KCNMA1: variants seen among roughly 807,000 people sequenced by gnomAD.
KCNMA1 encodes the protein potassium calcium-activated channel subfamily M alpha 1.
A neutral mutation model predicts 140.0 loss-of-function variants in KCNMA1; 29 were observed. The observed-to-expected ratio is 0.21, with a 90% CI of 0.15 to 0.28. The LOEUF (loss-of-function observed/expected upper bound fraction) is 0.28. KCNMA1 is among the 10% of genes least tolerant of loss of function. The pLI is 1.00. For synonymous variants in KCNMA1, 612 were observed against 611.9 expected, an observed-to-expected ratio of 1.00 and a Z score of 0.00; for missense variants, 880 against 1,602.2, an observed-to-expected ratio of 0.55 and a Z score of 7.70.
chr10:77,031,931 T>TA (rs1191393243), intron 15 of KCNMA1, among the ~76,000 whole-genome samples: 8 of 152,162 alleles, frequency 5.3e-5, no homozygotes, highest in Non-Finnish European at 8.8e-5. Context: ...GGAGAAAAGA[T>TA]AAAGTGGCAA....
chr10:77,248,918 C>G (rs955658325), intron 3 of KCNMA1, among the ~76,000 whole-genome samples: 8 of 152,152 alleles, frequency 5.3e-5, no homozygotes, highest in Non-Finnish European at 8.8e-5. Flanking sequence ...ACTGATTGGG[C>G]CTGCCACCGG....
intron 6 of KCNMA1, among the ~76,000 whole-genome samples, chr10:77,118,953 G>T (rs1344246120): frequency 6.6e-6 from 1 of 152,174 alleles, no homozygotes; most frequent in East Asian, 1.9e-4. Context: ...GTGGGTTTGT[G>T]GCAAAAAGCA....
At chr10:77,045,193 T>C (rs140669454) in intron 14 of KCNMA1, among the ~76,000 whole-genome samples, 1 of 152,176 alleles carries the variant, frequency 6.6e-6, no homozygotes, top group African/African-American at 2.4e-5. Context: ...TTAACTGTAA[T>C]GTGAAGACAC....
chr10:77,180,566 T>C (rs977396172), intron 5 of KCNMA1, among the ~76,000 whole-genome samples: 1 of 152,218 alleles, frequency 6.6e-6, no homozygotes, highest in African/African-American at 2.4e-5. Context: ...TCAATTTCAA[T>C]AGTACTTATG....
At chr10:77,545,810 G>C (rs538610300) in intron 1 of KCNMA1, among the ~76,000 whole-genome samples, 1 of 152,314 alleles carries the variant, frequency 6.6e-6, no homozygotes, top group African/African-American at 2.4e-5. Context: ...CTCACGCCTG[G>C]GAAAGCATGC....
At chr10:77,544,705 A>G (rs181631730) in intron 1 of KCNMA1, among the ~76,000 whole-genome samples, 33 of 152,316 alleles carry the variant, frequency 2.2e-4, no homozygotes, top group African/African-American at 7.7e-4. Context: ...AGCCCAGAGA[A>G]GTAAATTTTC....
chr10:77,002,127 C>T (rs35867052), intron 18 of KCNMA1, among the ~76,000 whole-genome samples: 3,586 of 152,264 alleles, frequency 0.024, 58 homozygotes, highest in South Asian at 0.048. Context: ...GAAACGATTA[C>T]GTGTTAATAC....
At chr10:76,923,866 A>C (rs2056822950) in intron 23 of KCNMA1, among the ~76,000 whole-genome samples, 1 of 151,986 alleles carries the variant, frequency 6.6e-6, no homozygotes, top group African/African-American at 2.4e-5. Context: ...TTAGCTGGGC[A>C]TGGTAGGGTG....
chr10:77,134,372 G>T (rs375537024), intron 5 of KCNMA1, among the ~76,000 whole-genome samples: 1 of 144,818 alleles, frequency 6.9e-6, no homozygotes, highest in East Asian at 6.7e-4. Flanking sequence ...TAGTTGATAA[G>T]TAGGCAAAAA....
intron 5 of KCNMA1, among the ~76,000 whole-genome samples, chr10:77,130,004 C>T (rs1316587370): frequency 6.6e-6 from 1 of 152,108 alleles, no homozygotes; most frequent in Admixed American, 6.6e-5. Flanking sequence ...AATTATTGCA[C>T]ATACATTTTA....
chr10:77,382,436 A>C (rs1292083438), intron 2 of KCNMA1, among the ~76,000 whole-genome samples: 1 of 152,206 alleles, frequency 6.6e-6, no homozygotes, highest in Non-Finnish European at 1.5e-5. Context: ...TAATTGGAGG[A>C]GAAGAGCCCC....
At chr10:76,959,176 C>T (rs570372797) in intron 20 of KCNMA1, among the ~76,000 whole-genome samples, 1 of 152,308 alleles carries the variant, frequency 6.6e-6, no homozygotes, top group Admixed American at 6.5e-5. Context: ...TTAACTTAGA[C>T]ATGCATTTGA....
chr10:77,558,304 T>C (rs930055778), intron 1 of KCNMA1, among the ~76,000 whole-genome samples: 5 of 152,124 alleles, frequency 3.3e-5, no homozygotes, highest in African/African-American at 1.2e-4. Context: ...CCTTAGAGCG[T>C]AGAATTCCAC....
chr10:76,937,945 CTGTG>C (rs1037881133), intron 23 of KCNMA1, among the ~76,000 whole-genome samples: 1 of 147,932 alleles, frequency 6.8e-6, no homozygotes, highest in African/African-American at 2.6e-5. Flanking sequence ...GTGTGTGTGT[CTGTG>C]TGTCTATAAA....
At chr10:77,092,412 C>T (rs930374202) in intron 9 of KCNMA1, among the ~76,000 whole-genome samples, 1 of 152,182 alleles carries the variant, frequency 6.6e-6, no homozygotes, top group African/African-American at 2.4e-5. Context: ...CCCCTACTGA[C>T]CTAACTTCCT....
rs59376789 is a variant in KCNMA1, at chr10:77,436,997, C to CACACAA, written c.379-32975_379-32974insTTGTGT. Among the ~76,000 whole-genome samples the CACACAA allele has an allele frequency of 2.0e-3, 259 of 126,962 alleles. 1 individual carries two copies. The highest frequency in any genetic ancestry group is 7.0e-3 in the African/African-American group (249 of 35,794). The allele number at this position is 126,962 out of a possible 152,430, so 83.3% of individuals were successfully genotyped here. On this transcript the variant is annotated intron_variant, in intron 1 of 27. Transcript: ENST00000286628. ...ACACACACACACACACACACACACA[C>CACACAA]TCCTTCAGCCAAAATGTTCCACTTT...
chr10:77,607,734 C>T (rs2085064520), intron 1 of KCNMA1, among the ~76,000 whole-genome samples: 1 of 152,170 alleles, frequency 6.6e-6, no homozygotes, highest in African/African-American at 2.4e-5. Context: ...AAGGAACCAG[C>T]CCTGCAGACG....
intron 1 of KCNMA1, among the ~76,000 whole-genome samples, chr10:77,625,580 T>C (rs1401463587): frequency 6.6e-6 from 1 of 152,238 alleles, no homozygotes; most frequent in Non-Finnish European, 1.5e-5. Context: ...TTGGCAACTC[T>C]ATGTACCTCA....
intron 1 of KCNMA1, among the ~76,000 whole-genome samples, chr10:77,434,803 C>T (rs920106336): frequency 6.6e-6 from 1 of 152,114 alleles, no homozygotes; most frequent in Non-Finnish European, 1.5e-5. Flanking sequence ...TCAAGGTCAG[C>T]GGGTTTTGGA....
Sources: allele counts gnomAD v4.1 joint callset (sites outside exome capture counted in the v4.1 genomes callset), GRCh38; gene constraint gnomAD v4.1.1; transcripts MANE v1.5; gene names NCBI Gene and HGNC (gene_info 2026-07-23, HGNC 2026-07-21).